Variants in ZWILCH observed in about 807,000 individuals in gnomAD.
ZWILCH encodes the protein protein zwilch homolog.
Under a neutral mutation model 79.9 loss-of-function variants are expected in ZWILCH, and 74 were observed. The ratio of observed to expected loss-of-function variants is 0.93; its 90% CI spans 0.77 to 1.12. ZWILCH has a LOEUF of 1.12. Ranked by LOEUF, ZWILCH falls within the 50% of genes most tolerant of loss-of-function variation. ZWILCH has a pLI of 0.00. For missense variants in ZWILCH, 694 were observed against 687.5 expected (o/e 1.01, Z -0.11); for synonymous variants, 241 against 228.2 (o/e 1.06, Z -0.51).
At chr15:66,517,554 T>G (rs1390498381) in intron 4 of ZWILCH, among the ~76,000 whole-genome samples, 1 of 148,026 alleles carries the variant, frequency 6.8e-6, no homozygotes, top group African/African-American at 2.5e-5. Context: ...GTGTATTCTC[T>G]ATGAACATAT....
chr15:66,523,352 T>G (rs767590505), intron 7 of ZWILCH: 7 of 213,258 alleles, frequency 3.3e-5, no homozygotes, highest in Non-Finnish European at 5.6e-5. Context: ...GATATATTTA[T>G]GTAAATTTCT....
At chr15:66,509,870 T>TATATATGG (rs1491513134) in intron 2 of ZWILCH, among the ~76,000 whole-genome samples, 2 of 100,600 alleles carry the variant, frequency 2.0e-5, no homozygotes, top group African/African-American at 7.8e-5. Flanking sequence ...TATATATATA[T>TATATATGG]CTCTTAAAAA....
intron 10 of ZWILCH, 84 bp downstream of exon 10, chr15:66,527,996 C>A: frequency 8.6e-7 from 1 of 1,163,076 alleles, no homozygotes; most frequent in Non-Finnish European, 1.2e-6. Flanking sequence ...GTTGTACCAT[C>A]GCAAATGGAT....
rs760792008 is a variant in ZWILCH at position 66,521,200 on chromosome 15, A to G, written c.742A>G (p.Thr248Ala). The G allele has an allele frequency of 2.5e-5, 41 of 1,610,340 alleles. No individual in the cohort carries two copies. Among genetic ancestry groups the G allele is most frequent in the South Asian group, 4.4e-5 (4 of 91,060 alleles). The change falls in exon 7 of 19, where the codon ACT becomes GCT. Residue 248 changes from threonine to alanine, a missense_variant. Transcript: ENST00000307897. Reference sequence around the variant, plus strand: ...AATCCCTCCACTCTCTTCAACTGCAACTCTGGTAAGAGTGGGCCCTATTTC... The same window carrying G: ...AATCCCTCCACTCTCTTCAACTGCAGCTCTGGTAAGAGTGGGCCCTATTTC... ...LQIPPLSSTA[T>A]LNIKVESGEP...
At chr15:66,532,525 T>C in intron 13 of ZWILCH, 122 bp downstream of exon 13, 1 of 782,308 alleles carries the variant, frequency 1.3e-6, no homozygotes, top group Non-Finnish European at 1.9e-6. Flanking sequence ...GCTTTGTACC[T>C]GGTTCACTAT....
chr15:66,517,827 G>A (rs1175863082), intron 4 of ZWILCH, among the ~76,000 whole-genome samples: 1 of 140,448 alleles, frequency 7.1e-6, no homozygotes, highest in East Asian at 2.2e-4. Flanking sequence ...TTGCCTCCTG[G>A]GTTCAAGCGA....
chr15:66,515,724 G>C (rs549391780), intron 4 of ZWILCH, 80 bp downstream of exon 4: 2 of 961,374 alleles, frequency 2.1e-6, no homozygotes, highest in South Asian at 2.7e-5. Flanking sequence ...GGAAAAATAG[G>C]CCTCTAGCCC....
intron 16 of ZWILCH, 74 bp from the exon 17 acceptor site, chr15:66,540,023 TA>T: frequency 1.0e-6 from 1 of 999,262 alleles, no homozygotes; most frequent in Non-Finnish European, 1.5e-6. Context: ...AAGACTTCAC[TA>T]AATGGCTGTA....
At chr15:66,520,481 T>TA (rs1444781766) in intron 5 of ZWILCH, 109 bp from the exon 6 acceptor site, 1 of 669,298 alleles carries the variant, frequency 1.5e-6, no homozygotes, top group Non-Finnish European at 2.7e-6. Flanking sequence ...TTTTAACAGT[T>TA]ATTTTGTTGA....
chr15:66,540,066 A>T lies in ZWILCH; in HGVS notation c.1575-32A>T, dbSNP rs74602567. ...AGGAAGTAAATGGCTGTTTTTGAAA[A>T]TTTTTCTTTTGTCGTTTTATTCTTT... On this transcript the variant is annotated intron_variant, in intron 16 of 18. Coordinates refer to ENST00000307897, the MANE Select transcript of ZWILCH (RefSeq NM_017975.5). The T allele has an allele frequency of 1.9e-3, 2,898 of 1,555,218 alleles. 41 individuals are homozygous for T. The East Asian group carries it at 0.039, about 21-fold the overall frequency.
chr15:66,548,574 C>T lies in ZWILCH; in HGVS notation c.*250C>T, dbSNP rs764784200. The stretch of plus-strand genomic sequence containing the variant: ...AGCAGACAGTGGGTACCACGATCTC[C>T]GTAACCATTTGCATGTGACTTAGCA... On this transcript the variant is annotated 3_prime_UTR_variant, in exon 19 of 19. Transcript: ENST00000307897. 8.7e-6 allele frequency: 14 copies of T among 1,612,024 alleles called. No homozygotes were observed. The highest frequency in any genetic ancestry group is 1.1e-5 in the Non-Finnish European group (13 of 1,178,298).
intron 15 of ZWILCH, among the ~76,000 whole-genome samples, chr15:66,536,423 A>G (rs1201437289): frequency 6.6e-6 from 1 of 152,244 alleles, no homozygotes; most frequent in African/African-American, 2.4e-5. Flanking sequence ...CCAGCCATCT[A>G]AATGATAACA....
intron 17 of ZWILCH, among the ~76,000 whole-genome samples, chr15:66,540,473 A>C (rs1895158891): frequency 6.6e-6 from 1 of 151,942 alleles, no homozygotes; most frequent in Admixed American, 6.6e-5. Flanking sequence ...GAATTGCTTG[A>C]ACCCTTGAGG....
chr15:66,543,375 T>C (rs1255712627), intron 17 of ZWILCH, among the ~76,000 whole-genome samples: 3 of 152,202 alleles, frequency 2.0e-5, no homozygotes, highest in Non-Finnish European at 4.4e-5. Flanking sequence ...AATCCAACTT[T>C]AGCCATGAGA....
In ZWILCH at chr15:66,532,283, A is replaced by G. The variant is rs778321438; in HGVS notation, c.1192A>G (p.Ile398Val). The G allele has an allele frequency of 6.2e-7, 1 of 1,604,558 alleles. No individual in the cohort carries two copies. Among genetic ancestry groups the G allele is most frequent in the South Asian group, 1.1e-5 (1 of 89,038 alleles). ...SGSNSLLSKLIHQSYHGTMDT... is the reference protein window; with the variant it reads ...SGSNSLLSKLVHQSYHGTMDT... ...AAGTAACAGTTTACTAAGTAAGCTC[A>G]TTCATCAGTCTTATCATGGAACCAT... The change falls in exon 13 of 19, where the codon ATT (isoleucine) becomes GTT (valine). Residue 398 changes from isoleucine to valine, a missense_variant. Physicochemically the swap from Ile to Val is conservative, Grantham distance 29. Coordinates refer to ENST00000307897, the MANE Select transcript of ZWILCH (RefSeq NM_017975.5).
intron 1 of ZWILCH, among the ~76,000 whole-genome samples, chr15:66,506,861 C>G (rs886186927): frequency 7.1e-6 from 1 of 140,244 alleles, no homozygotes; most frequent in Non-Finnish European, 1.6e-5. Flanking sequence ...TATTTAGACC[C>G]TTTTTTTTTT....
At chr15:66,508,277 T>C (rs1893903680) in intron 1 of ZWILCH, among the ~76,000 whole-genome samples, 1 of 152,244 alleles carries the variant, frequency 6.6e-6, no homozygotes, top group Non-Finnish European at 1.5e-5. Context: ...AATAATTAAA[T>C]GATATCCTGG....
chr15:66,525,332 G>T, intron 8 of ZWILCH, among the ~76,000 whole-genome samples: 1 of 152,160 alleles, frequency 6.6e-6, no homozygotes, highest in Non-Finnish European at 1.5e-5. Flanking sequence ...TCATTTAAAT[G>T]TGTGTTTGTC....
intron 15 of ZWILCH, among the ~76,000 whole-genome samples, chr15:66,536,563 T>C (rs567766466): frequency 1.3e-5 from 2 of 152,296 alleles, no homozygotes; most frequent in South Asian, 4.1e-4. Flanking sequence ...GGACTGCTGG[T>C]ATCTTATGTG....
Sources: gnomAD v4.1 joint callset for allele counts (sites outside exome capture counted in the v4.1 genomes callset) on GRCh38, gnomAD v4.1.1 for gene constraint, MANE v1.5 for transcripts, NCBI Gene and HGNC (gene_info 2026-07-23, HGNC 2026-07-21) for gene names.